Variants in ATG2B observed in about 807,000 individuals in gnomAD.
ATG2B encodes the protein autophagy related 2B, also known as autophagy-related protein 2 homolog B.
ATG2B carries 121 observed loss-of-function variants against 241.3 expected under a neutral mutation model. That is an observed-to-expected ratio of 0.50 (90% CI 0.43 to 0.58). The LOEUF (loss-of-function observed/expected upper bound fraction) is 0.58. Among genes scored for constraint, ATG2B ranks in the 20% least tolerant of loss-of-function variants. ATG2B has a pLI of 0.00. For missense variants in ATG2B, 2,306 were observed against 2,491.6 expected, an observed-to-expected ratio of 0.93 and a Z score of 1.59; for synonymous variants, 858 against 876.6, an observed-to-expected ratio of 0.98 and a Z score of 0.37.
chr14:96,344,714 C>T lies in ATG2B; in HGVS notation c.521G>A (p.Arg174Lys), dbSNP rs755802515. 30 of 1,604,922 alleles carry T rather than the reference C, an allele frequency of 1.9e-5. No homozygotes were observed. The South Asian group carries it at 2.8e-4, about 15-fold the overall frequency. The change falls in exon 4 of 42, where the codon AGA (arginine) becomes AAA (lysine). Residue 174 changes from arginine to lysine, a missense_variant. Arg to Lys is a conservative substitution (Grantham distance 26, BLOSUM62 2). Coordinates refer to ENST00000359933, the MANE Select transcript of ATG2B (RefSeq NM_018036.7). ...GGAATTTTCTGGCACATGTTCAATT[C>T]TCAAAACAGTATCTATAAAAGTGAC... ...VKVTFIDTVL[R>K]IEHVPENSKT... is the part of the protein sequence containing the mutation.
At position 96,300,977 on chromosome 14, in the gene ATG2B, T is replaced by C. The variant is rs1036381864; in HGVS notation, c.5139+1030A>G. ...GTACTATTTAAGCAAATTAATAACG[T>C]CCACCCCACAAATAAATACTCTACT... On this transcript the variant is annotated intron_variant, in intron 34 of 41. Transcript: ENST00000359933. Among the ~76,000 whole-genome samples the C allele has an allele frequency of 8.5e-5, 13 of 152,212 alleles. 1 individual carries two copies. The highest frequency in any genetic ancestry group is 8.5e-4 in the Admixed American group (13 of 15,276).
At chr14:96,313,520 A>G (rs1254410193) in intron 23 of ATG2B, 85 bp from the exon 24 acceptor site, 2 of 564,686 alleles carry the variant, frequency 3.5e-6, no homozygotes, top group Non-Finnish European at 6.0e-6. Context: ...GTAAACCAGA[A>G]TATCTCACAG....
chr14:96,316,877 C>T (rs753002724), intron 20 of ATG2B, among the ~76,000 whole-genome samples, 194 bp from the exon 21 acceptor site: 2 of 152,182 alleles, frequency 1.3e-5, no homozygotes, highest in Non-Finnish European at 1.5e-5. Context: ...GGAACCTCTT[C>T]TATCAGATGA....
At chr14:96,309,853 T>C (rs1474373651) in intron 28 of ATG2B, among the ~76,000 whole-genome samples, 1 of 152,114 alleles carries the variant, frequency 6.6e-6, no homozygotes, top group African/African-American at 2.4e-5. Context: ...GCAATGCATT[T>C]GAAAACAGGG....
Position 96,363,131 on chromosome 14 carries a change from G to T in ATG2B, c.-155C>A. ...GGGAGTCCCTCAGGGAGACCCCATCGCCGGCGCCGCACCGCTCGCGCTGGG... is the reference window on the plus strand; with the variant it reads ...GGGAGTCCCTCAGGGAGACCCCATCTCCGGCGCCGCACCGCTCGCGCTGGG... On this transcript the variant is annotated 5_prime_UTR_variant, in exon 1 of 42. Coordinates refer to ENST00000359933, the MANE Select transcript of ATG2B (RefSeq NM_018036.7). The T allele has an allele frequency of 1.3e-6, 1 of 781,626 alleles. No individual in the cohort carries two copies. Among genetic ancestry groups the T allele is most frequent in the Non-Finnish European group, 2.1e-6 (1 of 485,416 alleles). The allele number at this position is 781,626 out of a possible 1,614,324, so 48.4% of individuals were successfully genotyped here.
chr14:96,295,336 G>C (rs1886607100), intron 35 of ATG2B, 146 bp downstream of exon 35: 2 of 821,804 alleles, frequency 2.4e-6, no homozygotes, highest in African/African-American at 3.5e-5. Flanking sequence ...TATATAAACA[G>C]TATTCGCGAA....
chr14:96,323,956 A>G lies in ATG2B; in HGVS notation c.2480T>C (p.Phe827Ser), dbSNP rs774499036. The G allele has an allele frequency of 6.2e-7, 1 of 1,611,324 alleles. No individual in the cohort carries two copies. Among genetic ancestry groups the G allele is most frequent in the Non-Finnish European group, 8.5e-7 (1 of 1,179,336 alleles). The change falls in exon 16 of 42, where the codon TTC (phenylalanine) becomes TCC (serine). Residue 827 changes from phenylalanine (F) to serine (S), a missense_variant. By Grantham distance (155) the Phe-to-Ser change is radical. Coordinates refer to ENST00000359933, the MANE Select transcript of ATG2B (RefSeq NM_018036.7). Reference sequence around the variant, plus strand: ...TCCATCTACTCCACTAGACACATGGAAAAACTTAATAGATGGATCTCCTTT... The same window carrying G: ...TCCATCTACTCCACTAGACACATGGGAAAACTTAATAGATGGATCTCCTTT... ...EEKGDPSIKF[F>S]HVSSGVDGDT... is the part of the protein sequence containing the mutation.
Position 96,305,700 on chromosome 14 carries a change from A to G in ATG2B, c.4622T>C (p.Phe1541Ser). 1 of 1,614,182 alleles carries G rather than the reference A, an allele frequency of 6.2e-7. No individual in the cohort carries two copies. Among genetic ancestry groups the G allele is most frequent in the Non-Finnish European group, 8.5e-7 (1 of 1,180,010 alleles). ...CACATAGCGAATCACAGGAATGGGA[A>G]AGTGTAAGGGGGCTTTGCTCGTATC... ...KTDTSKAPLHFPIPVIRYVVK... is the reference protein window; with the variant it reads ...KTDTSKAPLHSPIPVIRYVVK... The change falls in exon 31 of 42, where the codon TTT becomes TCT. Residue 1541 changes from phenylalanine (F) to serine (S), a missense_variant. This residue lies in a region of ATG2B where 1,927 missense variants were observed against 2,011.2 expected (regional missense o/e 0.96). Transcript: ENST00000359933.
At position 96,341,713 on chromosome 14, in the gene ATG2B, T is replaced by C; in HGVS notation, c.745-12A>G. ...TTTGGCTCAGTTTCCTACAATAAAGTGACAAAAATAATTATTTAAAATACT... is the reference window on the plus strand; with the variant it reads ...TTTGGCTCAGTTTCCTACAATAAAGCGACAAAAATAATTATTTAAAATACT... On this transcript the variant is annotated splice_polypyrimidine_tract_variant and intron_variant, in intron 5 of 41. Coordinates refer to ENST00000359933, the MANE Select transcript of ATG2B (RefSeq NM_018036.7). 1 of 1,506,730 alleles carries C rather than the reference T, an allele frequency of 6.6e-7. No homozygotes were observed. The highest frequency in any genetic ancestry group is 8.9e-7 in the Non-Finnish European group (1 of 1,124,436). 93.3% of individuals were successfully genotyped at this position (1,506,730 alleles called of 1,614,324 possible). A position where few individuals can be genotyped will look rare whatever the true frequency, so the allele number is the denominator to read the frequency against.
intron 34 of ATG2B, among the ~76,000 whole-genome samples, chr14:96,301,789 C>A (rs113781819): frequency 3.3e-5 from 5 of 152,130 alleles, no homozygotes; most frequent in Non-Finnish European, 5.9e-5. Flanking sequence ...CTACATCACA[C>A]CATGAGTAGG....
rs117512984 is a variant in ATG2B at position 96,350,619 on chromosome 14, C to T, written c.163-3278G>A. Among the ~76,000 whole-genome samples, 679 of 152,254 alleles carry T rather than the reference C, an allele frequency of 4.5e-3. 27 individuals are homozygous for T. The South Asian group carries it at 0.068, about 15-fold the overall frequency. ...AAATTAAAATAACATATTTATTAAACGCCAGCTTATATGTAAAGTGCTTCC... is the reference window on the plus strand; with the variant it reads ...AAATTAAAATAACATATTTATTAAATGCCAGCTTATATGTAAAGTGCTTCC... On this transcript the variant is annotated intron_variant, in intron 1 of 41. Coordinates refer to ENST00000359933, the MANE Select transcript of ATG2B (RefSeq NM_018036.7).
intron 18 of ATG2B, among the ~76,000 whole-genome samples, chr14:96,319,829 TCTC>T (rs1372064228): frequency 6.6e-6 from 1 of 152,108 alleles, no homozygotes; most frequent in African/African-American, 2.4e-5. Flanking sequence ...AAGCAAATCT[TCTC>T]TGAGAATGTT....
At position 96,315,446 on chromosome 14, in the gene ATG2B, T is replaced by C; in HGVS notation, c.3499A>G (p.Ser1167Gly). Reference protein sequence around the residue: ...KTSSDGVGGDSLNMLSVAVKI... With the variant: ...KTSSDGVGGDGLNMLSVAVKI... ...ACGGCAACAGACAGCATATTCAAAC[T>C]GTCTCCTCCAACTCCATCTGAAGAA... Residue 1167 changes from serine (S) to glycine (G), a missense_variant, in exon 22 of 42, where the codon AGT (serine) becomes GGT (glycine). By Grantham distance (56) the Ser-to-Gly change is moderately conservative. This residue lies in a region of ATG2B where 1,927 missense variants were observed against 2,011.2 expected (regional missense o/e 0.96). Transcript: ENST00000359933. 1.2e-6 allele frequency: 2 copies of C among 1,614,204 alleles called. No homozygotes were observed. Among genetic ancestry groups the C allele is most frequent in the Non-Finnish European group, 1.7e-6 (2 of 1,180,014 alleles).
chr14:96,340,068 A>G (rs1887971145), intron 6 of ATG2B, among the ~76,000 whole-genome samples: 1 of 119,924 alleles, frequency 8.3e-6, no homozygotes, highest in African/African-American at 2.8e-5. Flanking sequence ...TATATGCTAT[A>G]TGTGATATGA....
At chr14:96,355,854 T>C (rs540155021) in intron 1 of ATG2B, among the ~76,000 whole-genome samples, 1 of 152,198 alleles carries the variant, frequency 6.6e-6, no homozygotes, top group East Asian at 1.9e-4. Flanking sequence ...AGAATTCAAA[T>C]CGAGATAAGA....
At chr14:96,300,431 C>G (rs1029857885) in intron 34 of ATG2B, among the ~76,000 whole-genome samples, 1 of 151,930 alleles carries the variant, frequency 6.6e-6, no homozygotes, top group African/African-American at 2.4e-5. Context: ...GAGTCTGAGG[C>G]GGGAGGATAG....
intron 36 of ATG2B, among the ~76,000 whole-genome samples, chr14:96,294,507 G>A: frequency 6.6e-6 from 1 of 152,192 alleles, no homozygotes; most frequent in East Asian, 1.9e-4. Flanking sequence ...TGAGCAGGGA[G>A]GGAAGGGTCA....
At chr14:96,309,118 A>G (rs751564804) in intron 29 of ATG2B, among the ~76,000 whole-genome samples, 6 of 152,196 alleles carry the variant, frequency 3.9e-5, no homozygotes, top group Admixed American at 6.5e-5. Flanking sequence ...AATCCTTTCC[A>G]AACAGTAGAG....
chr14:96,299,538 C>T (rs919143682), intron 34 of ATG2B, among the ~76,000 whole-genome samples: 3 of 152,200 alleles, frequency 2.0e-5, no homozygotes, highest in Admixed American at 6.5e-5. Flanking sequence ...TGAATTGATA[C>T]GCTTTCCCGG....
Sources: allele counts gnomAD v4.1 joint callset (sites outside exome capture counted in the v4.1 genomes callset), GRCh38; gene constraint gnomAD v4.1.1; regional missense constraint gnomAD v4.1.1; transcripts MANE v1.5; gene names NCBI Gene and HGNC (gene_info 2026-07-23, HGNC 2026-07-21).